The following AP4E1 variants were observed in gnomAD, a reference collection of about 807,000 sequenced individuals.
AP4E1 encodes AP-4 complex subunit epsilon-1.
A neutral mutation model predicts 128.2 loss-of-function variants in AP4E1; 56 were observed. The ratio of observed to expected loss-of-function variants is 0.44; its 90% confidence interval spans 0.35 to 0.55. The LOEUF (loss-of-function observed/expected upper bound fraction) is 0.55, where lower values mean the gene tolerates loss of function less well. Ranked by LOEUF, AP4E1 falls within the 20% of genes least tolerant of loss-of-function variation. The probability of loss-of-function intolerance (pLI) is 0.00; values close to 1 mark genes in which losing one functional copy is unlikely to be tolerated. For missense variants in AP4E1, 1,324 were observed against 1,307.7 expected (o/e 1.01, Z -0.19); for synonymous variants, 484 against 473.1 (o/e 1.02, Z -0.30).
At chr15:50,990,991 G>A (rs1012888791) in intron 16 of AP4E1, among the ~76,000 whole-genome samples, 1 of 152,178 alleles carries the variant, frequency 6.6e-6, no homozygotes, top group Non-Finnish European at 1.5e-5. Flanking sequence ...CATTGCCGGT[G>A]ACAACCTCTG....
chr15:50,913,545 G>A (rs989529887), intron 2 of AP4E1, among the ~76,000 whole-genome samples: 2 of 152,214 alleles, frequency 1.3e-5, no homozygotes, highest in Admixed American at 1.3e-4. Flanking sequence ...TTCATGTAAA[G>A]GTTGGCTGTC....
At position 51,002,516 on chromosome 15, in the gene AP4E1, T is replaced by C. The variant is rs1351293494; in HGVS notation, c.3268T>C (p.Leu1090=). 1.6e-5 allele frequency: 26 copies of C among 1,614,098 alleles called. No individual in the cohort carries two copies. Among genetic ancestry groups the C allele is most frequent in the Non-Finnish European group, 1.7e-5 (20 of 1,180,042 alleles). Residue 1090 remains leucine, a synonymous_variant, in exon 21 of 21, where the codon TTG becomes CTG. Transcript: ENST00000261842. The part of the protein sequence containing the change: ...IIEIIGNEGL[L]ACQLLPSIPC... ...TTTTGTTTTAGGCAATGAAGGGCTA[T>C]TGGCCTGTCAGCTGCTCCCATCCAT...
In AP4E1 at chr15:50,942,158, C is replaced by T. The variant is rs539131301; in HGVS notation, c.1176+383C>T. Among the ~76,000 whole-genome samples the T allele has an allele frequency of 1.8e-4, 28 of 152,324 alleles. No individual in the cohort carries two copies. The South Asian group carries it at 5.4e-3, about 29-fold the overall frequency. ...TCCTGAAATCCTGACCTCAAGTGAT[C>T]TGCCTGCCTTGGCCTCCCAAAGTGC... On this transcript the variant is annotated intron_variant, in intron 10 of 20. Transcript: ENST00000261842.
chr15:50,979,919 A>G (rs2064617868), intron 15 of AP4E1, among the ~76,000 whole-genome samples: 1 of 152,206 alleles, frequency 6.6e-6, no homozygotes, highest in Admixed American at 6.5e-5. Flanking sequence ...TTGCTATTAA[A>G]AATATCTGAA....
intron 8 of AP4E1, among the ~76,000 whole-genome samples, chr15:50,936,205 G>A (rs1276510223): frequency 1.3e-5 from 2 of 152,138 alleles, no homozygotes; most frequent in African/African-American, 2.4e-5. Context: ...CCTTATTGAA[G>A]CAGGTGATTT....
chr15:51,004,385 G>C lies in AP4E1; in HGVS notation c.*1723G>C, dbSNP rs888584883. ...CACAAAGGAGGTGCTCCAATTTTTTGTGTCCTTACTTCCCTATGTTTGCCT... is the reference window on the plus strand; with the variant it reads ...CACAAAGGAGGTGCTCCAATTTTTTCTGTCCTTACTTCCCTATGTTTGCCT... On this transcript the variant is annotated 3_prime_UTR_variant, in exon 21 of 21. Transcript: ENST00000261842. 2.0e-5 allele frequency: 3 copies of C among 152,226 alleles called. No homozygotes were observed. Among genetic ancestry groups the C allele is most frequent in the African/African-American group, 7.2e-5 (3 of 41,450 alleles). 9.4% of individuals were successfully genotyped at this position (152,226 alleles called of 1,614,324 possible).
At chr15:50,930,769 CG>C (rs777798660) in intron 6 of AP4E1, 35 bp from the exon 7 acceptor site, 7 of 1,593,534 alleles carry the variant, frequency 4.4e-6, no homozygotes, top group Non-Finnish European at 1.7e-6. Flanking sequence ...TTTAATAAGA[CG>C]TTATTAACAA....
Position 50,989,635 on chromosome 15 carries a change from G to C in AP4E1, c.2091-3735G>C, listed in dbSNP as rs545331034. On this transcript the variant is annotated intron_variant, in intron 16 of 20. Transcript: ENST00000261842. ...AAGTGTCCCAAACAGGGACCAAAGGGACAAGGGAAAGAGACAGGAACCCTT... is the reference window on the plus strand; with the variant it reads ...AAGTGTCCCAAACAGGGACCAAAGGCACAAGGGAAAGAGACAGGAACCCTT... Among the ~76,000 whole-genome samples the C allele has an allele frequency of 4.6e-5, 7 of 152,198 alleles. No individual in the cohort carries two copies. The East Asian group carries it at 1.2e-3, about 25-fold the overall frequency.
rs1162190334 is a variant in AP4E1 at position 50,950,071 on chromosome 15, G to C, written c.1450G>C (p.Asp484His). 2 of 1,612,942 alleles carry C rather than the reference G, an allele frequency of 1.2e-6. No homozygotes were observed. The highest frequency in any genetic ancestry group is 8.5e-7 in the Non-Finnish European group (1 of 1,179,236). The change falls in exon 13 of 21, where the codon GAT (aspartate) becomes CAT (histidine). Residue 484 changes from aspartate (D) to histidine (H), a missense_variant. By Grantham distance (81) the Asp-to-His change is moderately conservative (BLOSUM62 -1). Coordinates refer to ENST00000261842, the MANE Select transcript of AP4E1 (RefSeq NM_007347.5). ...TGTAGGTTTTGATGATGAAACAGAA[G>C]ATCAGCAATTAAGACTCTATGCAGT... ...LAEGFDDETE[D>H]QQLRLYAVQS...
At chr15:50,910,975 A>G (rs1212570609) in intron 1 of AP4E1, among the ~76,000 whole-genome samples, 2 of 152,202 alleles carry the variant, frequency 1.3e-5, no homozygotes, top group Admixed American at 6.5e-5. Context: ...TGTGGCCTTA[A>G]TAATGTTGTT....
At chr15:50,989,311 A>G (rs1177083272) in intron 16 of AP4E1, among the ~76,000 whole-genome samples, 1 of 152,332 alleles carries the variant, frequency 6.6e-6, no homozygotes, top group African/African-American at 2.4e-5. Context: ...TTGAATTTTG[A>G]GTTCTTCTGT....
intron 18 of AP4E1, 31 bp downstream of exon 18, chr15:50,997,914 T>G: frequency 1.3e-6 from 2 of 1,531,882 alleles, no homozygotes; most frequent in Non-Finnish European, 1.8e-6. Flanking sequence ...TGTTTTATTT[T>G]CAGTGTATAT....
At chr15:50,962,566 C>T (rs532213927) in intron 14 of AP4E1, among the ~76,000 whole-genome samples, 5 of 151,790 alleles carry the variant, frequency 3.3e-5, no homozygotes, top group African/African-American at 7.3e-5. Context: ...AATAATGAAA[C>T]GAGATCCCTA....
At position 50,947,107 on chromosome 15, in the gene AP4E1, G is replaced by A. The variant is rs200587454; in HGVS notation, c.1177-913G>A. On this transcript the variant is annotated intron_variant, in intron 10 of 20. Transcript: ENST00000261842. ...TGAGACTCCATCTCAAGAAAAAAAAGAAAAGAAAAGAAAGAAAGTAGCTAC... is the reference window on the plus strand; with the variant it reads ...TGAGACTCCATCTCAAGAAAAAAAAAAAAAGAAAAGAAAGAAAGTAGCTAC... Among the ~76,000 whole-genome samples, 75 of 151,762 alleles carry A rather than the reference G, an allele frequency of 4.9e-4. No homozygotes were observed. The East Asian group carries it at 0.015, about 29-fold the overall frequency.
chr15:50,951,913 G>A (rs1157621825), intron 13 of AP4E1, among the ~76,000 whole-genome samples: 1 of 152,014 alleles, frequency 6.6e-6, no homozygotes, highest in Non-Finnish European at 1.5e-5. Flanking sequence ...TTTTAGCAGA[G>A]ATGGGGTTTT....
chr15:50,917,356 C>T (rs1191038408), intron 3 of AP4E1, among the ~76,000 whole-genome samples: 14 of 152,160 alleles, frequency 9.2e-5, no homozygotes, highest in Non-Finnish European at 2.9e-5. Context: ...TGCCTCCCTC[C>T]CATCTTATCT....
At chr15:50,915,090 C>G (rs762943185) in intron 2 of AP4E1, among the ~76,000 whole-genome samples, 10 of 152,242 alleles carry the variant, frequency 6.6e-5, no homozygotes, top group South Asian at 2.1e-4. Flanking sequence ...AAATTATGTG[C>G]TGTATTTTAG....
At chr15:50,941,009 A>G (rs1198970997) in intron 8 of AP4E1, among the ~76,000 whole-genome samples, 1 of 152,176 alleles carries the variant, frequency 6.6e-6, no homozygotes. Flanking sequence ...TTGAGAATAA[A>G]CCATTTTAAA....
At chr15:50,913,467 G>A (rs1291880997) in intron 2 of AP4E1, among the ~76,000 whole-genome samples, 1 of 152,210 alleles carries the variant, frequency 6.6e-6, no homozygotes, top group Non-Finnish European at 1.5e-5. Context: ...AGTTTGAAAG[G>A]AAGGTTTTAT....
Sources: gnomAD v4.1 joint callset for allele counts (sites outside exome capture counted in the v4.1 genomes callset) on GRCh38, gnomAD v4.1.1 for gene constraint, MANE v1.5 for transcripts, NCBI Gene and HGNC (gene_info 2026-07-23, HGNC 2026-07-21) for gene names.